The following CSMD2 variants were observed in gnomAD, a reference collection of about 807,000 sequenced individuals.
CSMD2 encodes CUB and sushi domain-containing protein 2.
A neutral mutation model predicts 398.5 loss-of-function variants in CSMD2; 130 were observed. The ratio of observed to expected loss-of-function variants is 0.33; its 90% confidence interval spans 0.28 to 0.38. The LOEUF is 0.38. Ranked by LOEUF, CSMD2 falls within the 10% of genes least tolerant of loss-of-function variation. The pLI, the probability that CSMD2 is intolerant of heterozygous loss-of-function variation, is 1.00. For missense variants in CSMD2, 3,829 were observed against 4,764.9 expected (o/e 0.80, Z 5.78); for synonymous variants, 1,828 against 1,908.5 (o/e 0.96, Z 1.10).
At chr1:33,768,122 T>G (rs1473871523) in intron 13 of CSMD2, among the ~76,000 whole-genome samples, 1 of 152,236 alleles carries the variant, frequency 6.6e-6, no homozygotes, top group Admixed American at 6.5e-5. Flanking sequence ...TTAATAAAAT[T>G]GGCATTCTCC....
chr1:34,094,820 A>G (rs1357154184), intron 1 of CSMD2, among the ~76,000 whole-genome samples: 1 of 151,678 alleles, frequency 6.6e-6, no homozygotes, highest in Non-Finnish European at 1.5e-5. Flanking sequence ...GGAGACTTTA[A>G]CACCCCACTG....
chr1:33,958,914 G>C (rs960252788), intron 3 of CSMD2, among the ~76,000 whole-genome samples: 1 of 152,206 alleles, frequency 6.6e-6, no homozygotes, highest in Non-Finnish European at 1.5e-5. Context: ...TAGTGTTTAA[G>C]AGATGTTCAT....
intron 1 of CSMD2, among the ~76,000 whole-genome samples, chr1:34,128,375 CTGTA>C (rs1558431008): frequency 6.6e-6 from 1 of 152,194 alleles, no homozygotes; most frequent in Non-Finnish European, 1.5e-5. Flanking sequence ...CCTTCAAAGA[CTGTA>C]CCCGCAGGAA....
intron 41 of CSMD2, among the ~76,000 whole-genome samples, chr1:33,608,328 C>T (rs10914753): frequency 0.24 from 36,016 of 152,062 alleles, 5,458 homozygotes; most frequent in African/African-American, 0.43. Context: ...GGACCGTGCC[C>T]ATTGTCTAGG....
At chr1:33,649,528 C>T (rs1483518909) in intron 28 of CSMD2, among the ~76,000 whole-genome samples, 2 of 152,148 alleles carry the variant, frequency 1.3e-5, no homozygotes, top group African/African-American at 4.8e-5. Flanking sequence ...CCTGTAATCC[C>T]AGCTACTCGG....
At chr1:33,864,841 C>G in intron 5 of CSMD2, 1 of 1,109,886 alleles carries the variant, frequency 9.0e-7, no homozygotes, top group Non-Finnish European at 1.3e-6. Context: ...GTGACTGATG[C>G]TTTGTGGAGG....
rs535672107 is a variant in CSMD2, at chr1:33,669,980, A to C, written c.4053-6888T>G. ...AGTATTTCCAGAGGGATCTTGGCCC[A>C]TTGAGAACATGATTTTGGACTTCTA... On this transcript the variant is annotated intron_variant, in intron 25 of 70. Transcript: ENST00000373381. Among the ~76,000 whole-genome samples, 221 of 152,320 alleles carry C rather than the reference A, an allele frequency of 1.5e-3. 1 individual carries two copies. Among genetic ancestry groups the C allele is most frequent in the African/African-American group, 5.1e-3 (211 of 41,574 alleles).
intron 2 of CSMD2, among the ~76,000 whole-genome samples, chr1:34,052,736 C>T (rs1653356421): frequency 6.6e-6 from 1 of 152,104 alleles, no homozygotes; most frequent in Non-Finnish European, 1.5e-5. Context: ...CAGTCCCTGG[C>T]TCAGTGCCTG....
rs374261546 is a variant in CSMD2, at chr1:33,652,294, C to G, written c.4586+29G>C. ...GAGCCCCTAGCCACTCTGAACCCTT[C>G]GTCTCCCACCCGGGGGAAAGGTACA... is the stretch of plus-strand genomic sequence containing the variant. On this transcript the variant is annotated intron_variant, in intron 28 of 70. Transcript: ENST00000373381. 1.8e-5 allele frequency: 29 copies of G among 1,611,688 alleles called. No individual in the cohort carries two copies. The Admixed American group carries it at 2.7e-4, about 15-fold the overall frequency.
chr1:33,827,387 G>A (rs1658949916), intron 6 of CSMD2, among the ~76,000 whole-genome samples: 1 of 152,128 alleles, frequency 6.6e-6, no homozygotes, highest in African/African-American at 2.4e-5. Context: ...AATATGCCAG[G>A]CATGCTTCTG....
At chr1:33,760,191 A>G (rs1454392504) in intron 13 of CSMD2, among the ~76,000 whole-genome samples, 2 of 152,216 alleles carry the variant, frequency 1.3e-5, no homozygotes, top group Non-Finnish European at 2.9e-5. Context: ...CTCTGGAATA[A>G]TGCATTGTCC....
chr1:33,881,282 C>T (rs566616637), intron 5 of CSMD2, among the ~76,000 whole-genome samples: 1 of 152,062 alleles, frequency 6.6e-6, no homozygotes, highest in Admixed American at 6.6e-5. Context: ...CTTGGGGTTC[C>T]CACAAATGTT....
chr1:33,743,747 G>T, intron 13 of CSMD2, 141 bp from the exon 14 acceptor site: 1 of 648,738 alleles, frequency 1.5e-6, no homozygotes, highest in Non-Finnish European at 2.6e-6. Flanking sequence ...GGACTGGCTG[G>T]GCTCTGAGCT....
rs1015761658 is a variant in CSMD2, at chr1:33,540,686, T to C, written c.9470A>G (p.Lys3157Arg). The C allele has an allele frequency of 1.9e-6, 3 of 1,614,032 alleles. No homozygotes were observed. Among genetic ancestry groups the C allele is most frequent in the Admixed American group, 1.7e-5 (1 of 60,004 alleles). The change falls in exon 60 of 71, where the codon AAG becomes AGG. Residue 3157 changes from lysine to arginine, a missense_variant. Around this residue, in one of 5 missense-constraint regions of CSMD2, gnomAD observed 917 missense variants for 1,199.5 expected, o/e 0.76. Coordinates refer to ENST00000373381, the MANE Select transcript of CSMD2 (RefSeq NM_001281956.2). ...CCCATTGGGGATGAGCGGAGGTGGC[T>C]TGCACATGAGAGCTGGAGGGAGACC... is the stretch of plus-strand genomic sequence containing the variant. ...TKPVCKALMC[K>R]PPPLIPNGKV... is the part of the protein sequence containing the mutation.
intron 25 of CSMD2, among the ~76,000 whole-genome samples, chr1:33,666,847 C>T (rs559274012): frequency 6.6e-6 from 1 of 152,236 alleles, no homozygotes; most frequent in South Asian, 2.1e-4. Context: ...GACCGAGTGC[C>T]AGCCGTGTGG....
intron 41 of CSMD2, among the ~76,000 whole-genome samples, chr1:33,610,609 G>C (rs1640931853): frequency 6.6e-6 from 1 of 152,156 alleles, no homozygotes; most frequent in African/African-American, 2.4e-5. Flanking sequence ...GGTGCCCTTG[G>C]GACTGTTACT....
At chr1:34,067,943 A>ATGAC (rs1174146204) in intron 2 of CSMD2, among the ~76,000 whole-genome samples, 1 of 152,186 alleles carries the variant, frequency 6.6e-6, no homozygotes, top group Non-Finnish European at 1.5e-5. Context: ...CAGGTAAAGA[A>ATGAC]TGACTGACAG....
rs936043350 is a variant in CSMD2, at chr1:34,096,988, A to G, written c.188-7795T>C. On this transcript the variant is annotated intron_variant, in intron 1 of 70. Transcript: ENST00000373381. ...AAGCCAAAAGAACAAAGCTGGAGGC[A>G]TCACACTACCTGACTTCAAACTATA... 4.5e-4 allele frequency among the ~76,000 whole-genome samples: 67 copies of G among 150,284 alleles called. 1 individual carries two copies. Among genetic ancestry groups the G allele is most frequent in the Non-Finnish European group, 8.7e-4 (59 of 67,816 alleles).
chr1:34,136,113 T>C lies in CSMD2; in HGVS notation c.187+28798A>G, dbSNP rs1638729276. Among the ~76,000 whole-genome samples, 3 of 152,216 alleles carry C rather than the reference T, an allele frequency of 2.0e-5. No individual in the cohort carries two copies. The South Asian group carries it at 6.2e-4, about 31-fold the overall frequency. ...TTGGGTAACTGCATCCTGAAGACTA[T>C]CCAGGCCCTGCCTGAGAAACTCAGA... On this transcript the variant is annotated intron_variant, in intron 1 of 70. Transcript: ENST00000373381.
Sources: allele counts gnomAD v4.1 joint callset (sites outside exome capture counted in the v4.1 genomes callset), GRCh38; gene constraint gnomAD v4.1.1; regional missense constraint gnomAD v4.1.1; transcripts MANE v1.5; gene names NCBI Gene and HGNC (gene_info 2026-07-23, HGNC 2026-07-21).